The following PPP2R2B variants were observed in gnomAD, a reference collection of about 807,000 sequenced individuals.
PPP2R2B encodes the protein serine/threonine-protein phosphatase 2A 55 kDa regulatory subunit B beta isoform.
In PPP2R2B, 5 loss-of-function variants were observed where a neutral mutation model predicts 46.0. The observed-to-expected ratio is 0.11, with a 90% CI of 0.06 to 0.23. PPP2R2B has a LOEUF of 0.23. PPP2R2B is among the 10% of genes least tolerant of loss of function. The probability of loss-of-function intolerance (pLI) is 1.00; values close to 1 mark genes in which losing one functional copy is unlikely to be tolerated. For missense variants in PPP2R2B, 367 were observed against 575.0 expected (o/e 0.64, Z 3.70); for synonymous variants, 215 against 206.7 (o/e 1.04, Z -0.34).
At chr5:147,070,338 T>A (rs1053237071) in intron 2 of PPP2R2B, among the ~76,000 whole-genome samples, 1 of 152,202 alleles carries the variant, frequency 6.6e-6, no homozygotes, top group Non-Finnish European at 1.5e-5. Context: ...CACTCTTTTT[T>A]AAAGCTCTAT....
At chr5:146,650,788 T>A in intron 5 of PPP2R2B, 64 bp from the exon 6 acceptor site, 1 of 1,442,506 alleles carries the variant, frequency 6.9e-7, no homozygotes, top group Non-Finnish European at 9.4e-7. Flanking sequence ...AGAGTGTGCA[T>A]GCTAATATCA....
intron 1 of PPP2R2B, among the ~76,000 whole-genome samples, chr5:146,917,228 C>A (rs902738225): frequency 2.6e-5 from 4 of 152,200 alleles, no homozygotes; most frequent in African/African-American, 9.6e-5. Context: ...GGCTCTACAC[C>A]CTGCCTGCAC....
rs143415213 is a variant in PPP2R2B at position 146,631,449 on chromosome 5, A to G, written c.790+6802T>C. ...GCATGCTGCTTTAACATTCATAAAC[A>G]TCTCTCCACTTGCTCCATCTCTGTG... On this transcript the variant is annotated intron_variant, in intron 7 of 9. Coordinates refer to ENST00000394411, the MANE Select transcript of PPP2R2B (RefSeq NM_181675.4). Among the ~76,000 whole-genome samples, 60 of 152,052 alleles carry G rather than the reference A, an allele frequency of 3.9e-4. 1 individual carries two copies. The highest frequency in any genetic ancestry group is 1.2e-3 in the African/African-American group (51 of 41,506).
intron 1 of PPP2R2B, among the ~76,000 whole-genome samples, chr5:146,937,910 A>G (rs1024422118): frequency 1.3e-5 from 2 of 152,114 alleles, no homozygotes; most frequent in Non-Finnish European, 2.9e-5. Flanking sequence ...CTTCCTAATT[A>G]AGTTTTTCTC....
At chr5:146,704,168 T>G (rs764481218) in intron 2 of PPP2R2B, among the ~76,000 whole-genome samples, 2 of 152,234 alleles carry the variant, frequency 1.3e-5, no homozygotes, top group African/African-American at 2.4e-5. Context: ...TAATAATTGA[T>G]GCAAAACTCA....
chr5:146,980,388 T>C (rs1020725164), intron 1 of PPP2R2B, among the ~76,000 whole-genome samples: 5 of 152,196 alleles, frequency 3.3e-5, no homozygotes, highest in African/African-American at 1.2e-4. Context: ...TTTTTAATAC[T>C]TGAACCTCTG....
At chr5:146,735,358 A>G (rs1261796168) in intron 2 of PPP2R2B, among the ~76,000 whole-genome samples, 1 of 144,950 alleles carries the variant, frequency 6.9e-6, no homozygotes, top group Non-Finnish European at 1.5e-5. Flanking sequence ...CTCTTCTCCC[A>G]CCCCTTGCAA....
intron 2 of PPP2R2B, among the ~76,000 whole-genome samples, chr5:146,806,616 A>AT (rs1757194511): frequency 6.6e-6 from 1 of 152,238 alleles, no homozygotes; most frequent in Non-Finnish European, 1.5e-5. Context: ...CTTTCCCAAC[A>AT]TTAAAAATGA....
intron 7 of PPP2R2B, among the ~76,000 whole-genome samples, chr5:146,620,087 G>GAGAT (rs1485683939): frequency 6.6e-6 from 1 of 152,122 alleles, no homozygotes; most frequent in Non-Finnish European, 1.5e-5. Flanking sequence ...GAGGCTTGGA[G>GAGAT]AGATAGGGAC....
chr5:147,057,519 T>C (rs1757127167), upstream of PPP2R2B, among the ~76,000 whole-genome samples: 1 of 152,212 alleles, frequency 6.6e-6, no homozygotes, highest in Non-Finnish European at 1.5e-5. Context: ...ATTCACTTAA[T>C]GGCCAGGTAG....
Position 146,582,238 on chromosome 5 carries a change from A to G in PPP2R2B, c.*7709T>C. 6.6e-6 allele frequency: 1 copy of G among 152,326 alleles called. No homozygotes were observed. Among genetic ancestry groups the G allele is most frequent in the Non-Finnish European group, 1.5e-5 (1 of 68,042 alleles). The allele number at this position is 152,326 out of a possible 1,614,324, so 9.4% of individuals were successfully genotyped here. On this transcript the variant is annotated 3_prime_UTR_variant, in exon 10 of 10. Transcript: ENST00000394411. ...CTTGTTTCCAAGTGGGAGGGTTGAG[A>G]ATAATAGCTCTTGTCACTTCCCTTT...
chr5:147,054,611 A>G (rs1756984130), intron 1 of PPP2R2B: 2 of 456,112 alleles, frequency 4.4e-6, no homozygotes, highest in Non-Finnish European at 4.4e-6. Flanking sequence ...ATGATATAAT[A>G]CAAGCTTCCT....
chr5:147,079,439 TATATAC>T (rs1757902684), intron 2 of PPP2R2B, among the ~76,000 whole-genome samples: 1 of 46,542 alleles, frequency 2.1e-5, no homozygotes, highest in African/African-American at 6.2e-5. Context: ...ACATTTTATA[TATATAC>T]ATATATATAT....
At chr5:146,759,475 C>G (rs569643362) in intron 2 of PPP2R2B, among the ~76,000 whole-genome samples, 8 of 152,256 alleles carry the variant, frequency 5.3e-5, no homozygotes, top group Non-Finnish European at 7.4e-5. Flanking sequence ...TAGAGTCAGC[C>G]AATCAGCAAC....
chr5:146,832,502 C>G (rs967886492), intron 2 of PPP2R2B, among the ~76,000 whole-genome samples: 5 of 144,056 alleles, frequency 3.5e-5, no homozygotes, highest in Admixed American at 7.4e-5. Flanking sequence ...AGTGATTCTC[C>G]TGCCTCAGCC....
chr5:147,076,867 A>G (rs1757783808), intron 2 of PPP2R2B, among the ~76,000 whole-genome samples: 1 of 151,998 alleles, frequency 6.6e-6, no homozygotes, highest in South Asian at 2.1e-4. Context: ...AGTACCCTGG[A>G]TATAGTAAGC....
intron 1 of PPP2R2B, among the ~76,000 whole-genome samples, chr5:146,932,758 C>A (rs1159062950): frequency 6.6e-6 from 1 of 152,150 alleles, no homozygotes; most frequent in Non-Finnish European, 1.5e-5. Flanking sequence ...TCCTAGCTTT[C>A]TTCTTCTTTA....
chr5:146,621,591 C>G (rs17514124), intron 7 of PPP2R2B, among the ~76,000 whole-genome samples: 3,156 of 152,292 alleles, frequency 0.021, 50 homozygotes, highest in Admixed American at 0.064. Flanking sequence ...TCACCAACCA[C>G]AGAGAATTAA....
intron 5 of PPP2R2B, among the ~76,000 whole-genome samples, chr5:146,670,077 T>C (rs1777248968): frequency 6.6e-6 from 1 of 152,216 alleles, no homozygotes; most frequent in Non-Finnish European, 1.5e-5. Context: ...GTGATTAGCA[T>C]AGGAGTAAAG....
Sources: gnomAD v4.1 joint callset for allele counts (sites outside exome capture counted in the v4.1 genomes callset) on GRCh38, gnomAD v4.1.1 for gene constraint, MANE v1.5 for transcripts, NCBI Gene and HGNC (gene_info 2026-07-23, HGNC 2026-07-21) for gene names.